The following NUDCD1 variants were observed in gnomAD, a reference collection of about 807,000 sequenced individuals.
The protein encoded by NUDCD1 is NudC domain containing 1.
In NUDCD1, 60 loss-of-function variants were observed where a neutral mutation model predicts 67.8. The ratio of observed to expected loss-of-function variants is 0.88; its 90% CI spans 0.72 to 1.10. The LOEUF (loss-of-function observed/expected upper bound fraction) is 1.10, where lower values mean the gene tolerates loss of function less well. Ranked by LOEUF, NUDCD1 falls within the 50% of genes least tolerant of loss-of-function variation. The pLI is 0.00. For synonymous variants in NUDCD1, 244 were observed against 230.8 expected (o/e 1.06, Z -0.52); for missense variants, 643 against 695.0 (o/e 0.93, Z 0.84).
intron 6 of NUDCD1, among the ~76,000 whole-genome samples, chr8:109,276,528 C>T (rs548499126): frequency 1.8e-4 from 27 of 152,210 alleles, no homozygotes; most frequent in Non-Finnish European, 3.2e-4. Context: ...GTTACAATCA[C>T]TACCTTATGA....
chr8:109,243,382 T>C (rs1813421249), intron 9 of NUDCD1, 81 bp from the exon 10 acceptor site: 2 of 1,163,390 alleles, frequency 1.7e-6, no homozygotes, highest in Admixed American at 2.4e-5. Flanking sequence ...ATTTAATATT[T>C]TGCAATGTTT....
intron 9 of NUDCD1, 77 bp from the exon 10 acceptor site, chr8:109,243,378 T>C: frequency 8.5e-7 from 1 of 1,172,172 alleles, no homozygotes; most frequent in Non-Finnish European, 1.2e-6. Flanking sequence ...TAACATTTAA[T>C]ATTTTGCAAT....
At chr8:109,301,828 TC>T (rs1053771436) in intron 2 of NUDCD1, among the ~76,000 whole-genome samples, 73 of 152,374 alleles carry the variant, frequency 4.8e-4, no homozygotes, top group African/African-American at 1.7e-3. Context: ...AAGACAGTCT[TC>T]CCTTGGTGTT....
In NUDCD1 at chr8:109,296,443, C is replaced by T; in HGVS notation, c.400G>A (p.Gly134Arg). 6.2e-7 allele frequency: 1 copy of T among 1,613,628 alleles called. No individual in the cohort carries two copies. The highest frequency in any genetic ancestry group is 8.5e-7 in the Non-Finnish European group (1 of 1,179,694). The stretch of plus-strand genomic sequence containing the variant: ...CCTGTTCCAATGACATACAATCTTC[C>T]AGTTCCATCTGACAAGGTAACCCAG... ...STWVTLSDGT[G>R]RLYVIGTGER... The change falls in exon 3 of 10, where the codon GGA becomes AGA. Residue 134 changes from glycine (G) to arginine (R), a missense_variant. Gly to Arg is a moderately radical substitution (Grantham distance 125, BLOSUM62 -2). Coordinates refer to ENST00000239690, the MANE Select transcript of NUDCD1 (RefSeq NM_032869.4).
intron 2 of NUDCD1, among the ~76,000 whole-genome samples, chr8:109,318,191 C>T (rs1815447010): frequency 1.3e-5 from 2 of 152,116 alleles, no homozygotes; most frequent in Admixed American, 6.6e-5. Flanking sequence ...CGTATTAGAG[C>T]TACATTACAT....
At chr8:109,322,998 C>T (rs920077691) in intron 1 of NUDCD1, among the ~76,000 whole-genome samples, 1 of 152,148 alleles carries the variant, frequency 6.6e-6, no homozygotes, top group Non-Finnish European at 1.5e-5. Flanking sequence ...CAGAGCAAAA[C>T]AGTATCACAG....
intron 2 of NUDCD1, chr8:109,313,838 A>G: frequency 9.0e-7 from 1 of 1,115,588 alleles, no homozygotes; most frequent in Non-Finnish European, 1.2e-6. Flanking sequence ...CTAATTATCA[A>G]TCAGATAAAT....
chr8:109,293,514 T>G lies in NUDCD1; in HGVS notation c.470A>C (p.Asn157Thr), dbSNP rs764114464. The G allele has an allele frequency of 2.0e-6, 3 of 1,534,998 alleles. No homozygotes were observed. In the Admixed American group the frequency reaches 6.5e-5, roughly 33 times the overall value. Reference protein sequence around the residue: ...SASEKWEIMFNEELGDPFIII... With the variant: ...SASEKWEIMFTEELGDPFIII... ...AATAAAAGGATCCCCAAGTTCTTCA[T>G]TAAACATAATCTACAAAACAAAATT... The change falls in exon 4 of 10, where the codon AAT becomes ACT. Residue 157 changes from asparagine to threonine, a missense_variant. Physicochemically the swap from Asn to Thr is moderately conservative, Grantham distance 65. Transcript: ENST00000239690.
chr8:109,271,990 G>GA (rs1814168740), intron 7 of NUDCD1, among the ~76,000 whole-genome samples: 1 of 151,688 alleles, frequency 6.6e-6, no homozygotes, highest in Non-Finnish European at 1.5e-5. Flanking sequence ...TATTTTTGCA[G>GA]AAAAAAGCTG....
chr8:109,312,302 A>G (rs1299337708), intron 2 of NUDCD1, among the ~76,000 whole-genome samples: 3 of 148,740 alleles, frequency 2.0e-5, no homozygotes, highest in African/African-American at 5.0e-5. Flanking sequence ...CACTGTCAAA[A>G]AAAAAAAAAA....
At chr8:109,252,291 A>G (rs1246291226) in intron 8 of NUDCD1, among the ~76,000 whole-genome samples, 1 of 152,084 alleles carries the variant, frequency 6.6e-6, no homozygotes, top group African/African-American at 2.4e-5. Flanking sequence ...CAGTGGTAGG[A>G]GACTTCTAAT....
At chr8:109,322,190 T>C (rs1442553310) in intron 2 of NUDCD1, 119 bp downstream of exon 2, 1 of 502,960 alleles carries the variant, frequency 2.0e-6, no homozygotes, top group African/African-American at 1.9e-5. Flanking sequence ...TAGGATTCCA[T>C]ATACTACAGG....
At chr8:109,283,375 G>A (rs1028383078) in intron 5 of NUDCD1, among the ~76,000 whole-genome samples, 1 of 152,132 alleles carries the variant, frequency 6.6e-6, no homozygotes, top group African/African-American at 2.4e-5. Context: ...ATGTTTGAGG[G>A]AATAATTCAG....
chr8:109,310,963 A>T (rs1370561770), intron 2 of NUDCD1, among the ~76,000 whole-genome samples: 2 of 151,750 alleles, frequency 1.3e-5, no homozygotes, highest in Non-Finnish European at 2.9e-5. Context: ...CTACAGGCGC[A>T]CGCCACCACG....
At position 109,322,384 on chromosome 8, in the gene NUDCD1, G is replaced by A. The variant is rs1815562163; in HGVS notation, c.198C>T (p.His66=). ...MHAFGMYNYL[H]CDSWYQDSVY... Reference sequence around the variant, plus strand: ...CACTGTCTTGATACCATGAATCACAGTGCAGGTAATTATACATTCCAAAAG... The same window carrying A: ...CACTGTCTTGATACCATGAATCACAATGCAGGTAATTATACATTCCAAAAG... Residue 66 remains histidine (H), a synonymous_variant, in exon 2 of 10, where the codon CAC becomes CAT. Transcript: ENST00000239690. 4 of 1,596,674 alleles carry A rather than the reference G, an allele frequency of 2.5e-6. No homozygotes were observed. In the East Asian group the frequency reaches 8.9e-5, roughly 36 times the overall value.
At chr8:109,259,584 G>T (rs557979612) in intron 8 of NUDCD1, among the ~76,000 whole-genome samples, 1 of 152,256 alleles carries the variant, frequency 6.6e-6, no homozygotes, top group South Asian at 2.1e-4. Context: ...GGCAATAAAT[G>T]CCCTCCACTT....
chr8:109,287,121 A>C (rs1814593033), intron 5 of NUDCD1, among the ~76,000 whole-genome samples: 1 of 152,166 alleles, frequency 6.6e-6, no homozygotes, highest in Admixed American at 6.6e-5. Flanking sequence ...GCTATTAATA[A>C]AAAGTCAAAA....
At chr8:109,274,204 G>GT (rs546063398) in intron 7 of NUDCD1, among the ~76,000 whole-genome samples, 48 of 152,270 alleles carry the variant, frequency 3.2e-4, no homozygotes, top group African/African-American at 1.1e-3. Flanking sequence ...AACCACTGCA[G>GT]TAAGGCAAGT....
Position 109,242,899 on chromosome 8 carries a change from A to G in NUDCD1, c.*110T>C. Reference sequence around the variant, plus strand: ...ATGTTATTAAAAAATAAAAAATCATACAAGATATATTTAGCACATTAAAAC... The same window carrying G: ...ATGTTATTAAAAAATAAAAAATCATGCAAGATATATTTAGCACATTAAAAC... On this transcript the variant is annotated 3_prime_UTR_variant, in exon 10 of 10. Transcript: ENST00000239690. The G allele has an allele frequency of 1.7e-6, 1 of 580,624 alleles. No individual in the cohort carries two copies. Among genetic ancestry groups the G allele is most frequent in the East Asian group, 2.8e-5 (1 of 35,392 alleles). 36.0% of individuals were successfully genotyped at this position (580,624 alleles called of 1,614,324 possible).
Sources: gnomAD v4.1 joint callset for allele counts (sites outside exome capture counted in the v4.1 genomes callset) on GRCh38, gnomAD v4.1.1 for gene constraint, MANE v1.5 for transcripts, NCBI Gene and HGNC (gene_info 2026-07-23, HGNC 2026-07-21) for gene names.